The following POLR1C variants were observed in gnomAD, a reference collection of about 807,000 sequenced individuals.
POLR1C encodes the protein RNA polymerase I and III subunit C.
Under a neutral mutation model 38.3 loss-of-function variants are expected in POLR1C, and 42 were observed. That is an observed-to-expected ratio of 1.10 (90% confidence interval 0.86 to 1.42). POLR1C has a LOEUF of 1.42. Ranked by LOEUF, POLR1C falls within the 40% of genes most tolerant of loss-of-function variation. The pLI, the probability that POLR1C is intolerant of heterozygous loss-of-function variation, is 0.00. For synonymous variants in POLR1C, 163 were observed against 163.9 expected (o/e 0.99, Z 0.04); for missense variants, 507 against 450.5 (o/e 1.13, Z -1.14).
At chr6:43,554,422 CTTTT>C (rs753397086) in intron 10 of POLR1C, among the ~76,000 whole-genome samples, 4 of 136,830 alleles carry the variant, frequency 2.9e-5, no homozygotes, top group Non-Finnish European at 4.8e-5. Context: ...CTTTTCTTTT[CTTTT>C]TTTTTTTTTT....
chr6:43,559,701 TG>T (rs1341514764), intron 10 of POLR1C, among the ~76,000 whole-genome samples: 1 of 152,270 alleles, frequency 6.6e-6, no homozygotes, highest in Non-Finnish European at 1.5e-5. Flanking sequence ...TACTCTCATA[TG>T]GAAGAGCAGT....
At position 43,539,520 on chromosome 6, in the gene POLR1C, G is replaced by A. The variant is rs1441484235; in HGVS notation, c.*4+10161G>A. On this transcript the variant is annotated intron_variant, in intron 9 of 10. Transcript: ENST00000607635. ...ACCAAGCGGCCCAGCTTGGTGACGG[G>A]CATCCACTCCTTATCTTTGGCCTTG... 4 of 1,533,396 alleles carry A rather than the reference G, an allele frequency of 2.6e-6. No individual in the cohort carries two copies. In the Admixed American group the frequency reaches 5.1e-5, roughly 19 times the overall value. The allele number at this position is 1,533,396 out of a possible 1,614,324, so 95.0% of individuals were successfully genotyped here. A position where few individuals can be genotyped will look rare whatever the true frequency, so the allele number is the denominator to read the frequency against.
intron 9 of POLR1C, among the ~76,000 whole-genome samples, chr6:43,535,705 T>G (rs1794270838): frequency 6.6e-6 from 1 of 150,462 alleles, no homozygotes; most frequent in African/African-American, 2.5e-5. Flanking sequence ...TCCCAGCTAC[T>G]CGGAAGGCTG....
rs780090128 is a variant in POLR1C at position 43,519,743 on chromosome 6, A to G, written c.287A>G (p.Asn96Ser). 25 of 1,614,112 alleles carry G rather than the reference A, an allele frequency of 1.5e-5. No individual in the cohort carries two copies. The Admixed American group carries it at 3.2e-4, about 20-fold the overall frequency. The change falls in exon 4 of 9, where the codon AAT becomes AGT. Residue 96 changes from asparagine (N) to serine (S), a missense_variant. Coordinates refer to ENST00000642195, the MANE Select transcript of POLR1C (RefSeq NM_203290.4). ...GCTGTGGAGAAGGTCCTGGTGTACAATAATACATCCATTGTTCAGGATGAG... is the reference window on the plus strand; with the variant it reads ...GCTGTGGAGAAGGTCCTGGTGTACAGTAATACATCCATTGTTCAGGATGAG... ...TMAVEKVLVY[N>S]NTSIVQDEIL...
At chr6:43,537,140 C>CTT (rs70990198) in intron 9 of POLR1C, among the ~76,000 whole-genome samples, 5,312 of 137,144 alleles carry the variant, frequency 0.039, 366 homozygotes, top group African/African-American at 0.13. Context: ...ATAATTAAAA[C>CTT]TTTTTTTTTT....
chr6:43,528,731 T>C (rs1343977402), intron 8 of POLR1C: 10 of 1,183,614 alleles, frequency 8.4e-6, no homozygotes, highest in Non-Finnish European at 9.8e-6. Flanking sequence ...GCAGGGCTAG[T>C]AGACAACACT....
At chr6:43,531,396 T>C, downstream of POLR1C, 1 of 1,278,860 alleles carries the variant, frequency 7.8e-7, no homozygotes. Context: ...ACCTGTACAC[T>C]AGATGAAAAG....
At chr6:43,538,754 T>C (rs1295028986) in intron 9 of POLR1C, 4 of 579,112 alleles carry the variant, frequency 6.9e-6, no homozygotes, top group East Asian at 6.0e-5. Context: ...AAATGAGTTA[T>C]GGAGCACTAC....
At position 43,548,432 on chromosome 6, in the gene POLR1C, A is replaced by C. The variant is rs1199273810; in HGVS notation, c.*5-2536A>C. 1.9e-6 allele frequency: 3 copies of C among 1,605,168 alleles called. No individual in the cohort carries two copies. The highest frequency in any genetic ancestry group is 4.5e-5 in the East Asian group (2 of 44,710). ...TAGCTCATTGGAGAGGAGTTGCTTC[A>C]CATGGTTATAAAGCATGTCAAAATT... On this transcript the variant is annotated intron_variant, in intron 9 of 10. Transcript: ENST00000607635.
intron 9 of POLR1C, among the ~76,000 whole-genome samples, chr6:43,541,593 TCTC>T (rs1383295823): frequency 2.0e-5 from 3 of 152,080 alleles, no homozygotes; most frequent in African/African-American, 7.3e-5. Context: ...TACACTTTCT[TCTC>T]CTCTCCAACC....
chr6:43,531,352 T>C (rs944199312), downstream of POLR1C: 1 of 829,614 alleles, frequency 1.2e-6, no homozygotes, highest in African/African-American at 1.7e-5. Context: ...AACACTAGAA[T>C]GATAAGTTTC....
downstream of POLR1C, among the ~76,000 whole-genome samples, chr6:43,532,870 C>T (rs989801612): frequency 1.3e-5 from 2 of 152,292 alleles, no homozygotes; most frequent in African/African-American, 2.4e-5. Flanking sequence ...GAAGGCCAGG[C>T]GTGGTGGCTC....
At chr6:43,528,342 ACAC>A (rs1277903757) in intron 8 of POLR1C, 4 of 796,446 alleles carry the variant, frequency 5.0e-6, no homozygotes, top group Non-Finnish European at 8.2e-6. Flanking sequence ...TGTAGACTCC[ACAC>A]CACAAGGTTA....
At chr6:43,549,635 G>T (rs938846037) in intron 9 of POLR1C, 1 of 1,561,398 alleles carries the variant, frequency 6.4e-7, no homozygotes, top group Non-Finnish European at 8.7e-7. Context: ...TACAGGTGCT[G>T]CATAGACTCA....
chr6:43,552,347 C>T (rs113254212), intron 10 of POLR1C, among the ~76,000 whole-genome samples: 2,182 of 152,066 alleles, frequency 0.014, 18 homozygotes, highest in Middle Eastern at 0.034. Context: ...TGAGCCACTG[C>T]GCCCCACCCT....
In POLR1C at chr6:43,547,449, C is replaced by G. The variant is rs1036245339; in HGVS notation, c.*5-3519C>G. The G allele has an allele frequency of 2.2e-5, 16 of 722,872 alleles. No individual in the cohort carries two copies. The Admixed American group carries it at 2.8e-4, about 13-fold the overall frequency. 44.8% of individuals were successfully genotyped at this position (722,872 alleles called of 1,614,324 possible). On this transcript the variant is annotated intron_variant, in intron 9 of 10. Transcript: ENST00000607635. ...TGCTGTGGGAACTAACTCAAGAATT[C>G]AAGACTAAAGAAGAAAAGAAAGGAG...
chr6:43,551,265 A>C (rs1231580165), intron 10 of POLR1C: 1 of 1,534,902 alleles, frequency 6.5e-7, no homozygotes, highest in Admixed American at 2.2e-5. Context: ...AGAAATGTCA[A>C]AATAAAATTT....
downstream of POLR1C, chr6:43,531,626 A>C: frequency 1.6e-5 from 24 of 1,496,680 alleles, no homozygotes; most frequent in Non-Finnish European, 2.2e-5. Flanking sequence ...CAGGAGTCTC[A>C]ATTGGCCAAC....
chr6:43,556,143 G>T (rs1457188866), intron 10 of POLR1C: 3 of 740,162 alleles, frequency 4.1e-6, no homozygotes, highest in African/African-American at 3.5e-5. Flanking sequence ...AGAAGTTTTT[G>T]AAAATAAATG....
Sources: gnomAD v4.1 joint callset for allele counts (sites outside exome capture counted in the v4.1 genomes callset) on GRCh38, gnomAD v4.1.1 for gene constraint, MANE v1.5 for transcripts, NCBI Gene and HGNC (gene_info 2026-07-23, HGNC 2026-07-21) for gene names.